Variants in ZDHHC21 observed in about 807,000 individuals in gnomAD.
ZDHHC21 encodes zDHHC palmitoyltransferase 21.
Under a neutral mutation model 34.6 loss-of-function variants are expected in ZDHHC21, and 15 were observed. The observed-to-expected ratio is 0.43, with a 90% CI of 0.29 to 0.67. The LOEUF (loss-of-function observed/expected upper bound fraction) is 0.67. ZDHHC21 is among the 30% of genes least tolerant of loss of function. The pLI is 0.14. For missense variants in ZDHHC21, 344 were observed against 327.7 expected (o/e 1.05, Z -0.38); for synonymous variants, 142 against 101.8 (o/e 1.40, Z -2.38).
Position 14,666,361 on chromosome 9 carries a change from G to A in ZDHHC21, c.254-4035C>T, listed in dbSNP as rs933018456. ...CAGATTCATAAATCAAGTCCTGAGT[G>A]ACCTACAAAGAGACTTAGACTCCCA... On this transcript the variant is annotated intron_variant, in intron 5 of 9. Coordinates refer to ENST00000380916, the MANE Select transcript of ZDHHC21 (RefSeq NM_178566.6). 3.5e-4 allele frequency among the ~76,000 whole-genome samples: 46 copies of A among 131,738 alleles called. 1 individual carries two copies. The highest frequency in any genetic ancestry group is 1.2e-3 in the African/African-American group (44 of 36,770). 86.4% of individuals were successfully genotyped at this position (131,738 alleles called of 152,430 possible).
At chr9:14,662,348 C>A in intron 5 of ZDHHC21, 22 bp from the exon 6 acceptor site, 1 of 1,568,396 alleles carries the variant, frequency 6.4e-7, no homozygotes, top group Non-Finnish European at 8.7e-7. Flanking sequence ...AAATTAAAAT[C>A]CATTTAATGA....
chr9:14,589,061 T>G, the ZDHHC21 span: 2 of 152,012 alleles, frequency 1.3e-5, no homozygotes, highest in Non-Finnish European at 2.9e-5. Context: ...GCTCATAAAT[T>G]AGAGAAGAAG....
chr9:14,619,811 T>C, intron 8 of ZDHHC21, 129 bp from the exon 9 acceptor site: 3 of 450,826 alleles, frequency 6.7e-6, no homozygotes, highest in Non-Finnish European at 1.0e-5. Context: ...TATATGAGTA[T>C]TATGAATTTT....
At position 14,674,293 on chromosome 9, in the gene ZDHHC21, G is replaced by T; in HGVS notation, c.48C>A (p.Cys16Ter). 6.3e-7 allele frequency: 1 copy of T among 1,597,906 alleles called. No homozygotes were observed. The highest frequency in any genetic ancestry group is 1.1e-5 in the South Asian group (1 of 87,362). ...HFVVDPHGWC[C>*]MGLIVFVWLY... Reference sequence around the variant, plus strand: ...ACCAAACAAAGACAATCAAACCCATGCAGCACCAACCATGTGGGTCAACAA... The same window carrying T: ...ACCAAACAAAGACAATCAAACCCATTCAGCACCAACCATGTGGGTCAACAA... Residue 16 changes from cysteine to a stop codon, truncating the protein, a stop_gained, in exon 4 of 10, where the codon TGC becomes TGA. Coordinates refer to ENST00000380916, the MANE Select transcript of ZDHHC21 (RefSeq NM_178566.6). LOFTEE classifies it high-confidence loss of function.
intron 8 of ZDHHC21, among the ~76,000 whole-genome samples, chr9:14,627,348 G>C (rs1450682032): frequency 1.3e-5 from 2 of 152,030 alleles, no homozygotes; most frequent in African/African-American, 2.4e-5. Flanking sequence ...ACATTAACTT[G>C]CTGAGTTAAA....
intron 8 of ZDHHC21, among the ~76,000 whole-genome samples, chr9:14,624,260 G>T (rs933676420): frequency 1.3e-5 from 2 of 152,032 alleles, no homozygotes; most frequent in Non-Finnish European, 2.9e-5. Flanking sequence ...TTTACATAAG[G>T]AACAGGAGCC....
chr9:14,678,311 T>C (rs912913587), intron 3 of ZDHHC21, among the ~76,000 whole-genome samples: 5 of 151,940 alleles, frequency 3.3e-5, no homozygotes, highest in Non-Finnish European at 7.4e-5. Flanking sequence ...TTAACACATC[T>C]GAAGCCCAAA....
intron 1 of ZDHHC21, among the ~76,000 whole-genome samples, chr9:14,692,320 C>A (rs914621132): frequency 4.6e-5 from 7 of 152,130 alleles, no homozygotes; most frequent in African/African-American, 1.4e-4. Context: ...TTTAAAAGTG[C>A]ATATATTAGC....
chr9:14,605,242 A>T, the ZDHHC21 span, among the ~76,000 whole-genome samples: 1 of 151,264 alleles, frequency 6.6e-6, no homozygotes, highest in South Asian at 2.1e-4. Context: ...GGGAATCCTG[A>T]ATCATATAGC....
intron 8 of ZDHHC21, among the ~76,000 whole-genome samples, chr9:14,625,050 T>G (rs919040171): frequency 6.6e-6 from 1 of 152,092 alleles, no homozygotes; most frequent in Non-Finnish European, 1.5e-5. Flanking sequence ...GACTTTCATT[T>G]CACTTCTTAG....
At chr9:14,609,833 G>A (rs550364957), downstream of ZDHHC21, among the ~76,000 whole-genome samples, 1 of 152,060 alleles carries the variant, frequency 6.6e-6, no homozygotes, top group Non-Finnish European at 1.5e-5. Context: ...TAGTACCAGA[G>A]GAAAATATCC....
At chr9:14,640,323 AAAG>A in intron 7 of ZDHHC21, among the ~76,000 whole-genome samples, 10 of 150,468 alleles carry the variant, frequency 6.6e-5, no homozygotes, top group South Asian at 2.1e-4. Flanking sequence ...AAAAAAAAAA[AAAG>A]AAAGAAAGAA....
In ZDHHC21 at chr9:14,635,810, G is replaced by A. The variant is rs551118253; in HGVS notation, c.621+4086C>T. Among the ~76,000 whole-genome samples, 128 of 152,148 alleles carry A rather than the reference G, an allele frequency of 8.4e-4. 1 individual carries two copies. The highest frequency in any genetic ancestry group is 1.4e-3 in the Non-Finnish European group (96 of 67,992). On this transcript the variant is annotated intron_variant, in intron 8 of 9. Coordinates refer to ENST00000380916, the MANE Select transcript of ZDHHC21 (RefSeq NM_178566.6). ...TGGGAGGTGGAGGTTGCAGTGAGCCGAGATCGCAATGCTGCACTCTAGCCT... is the reference window on the plus strand; with the variant it reads ...TGGGAGGTGGAGGTTGCAGTGAGCCAAGATCGCAATGCTGCACTCTAGCCT...
chr9:14,644,277 T>C (rs989181278), intron 7 of ZDHHC21, among the ~76,000 whole-genome samples: 4 of 152,198 alleles, frequency 2.6e-5, no homozygotes, highest in African/African-American at 7.2e-5. Context: ...AAAGAATCTA[T>C]AGATAAATCA....
intron 7 of ZDHHC21, among the ~76,000 whole-genome samples, chr9:14,642,277 A>G (rs1237145351): frequency 6.6e-6 from 1 of 152,212 alleles, no homozygotes; most frequent in East Asian, 1.9e-4. Flanking sequence ...CATCAGCACT[A>G]AATCCATATT....
intron 3 of ZDHHC21, among the ~76,000 whole-genome samples, chr9:14,676,663 CAA>C (rs1836438496): frequency 6.6e-6 from 1 of 151,840 alleles, no homozygotes; most frequent in Admixed American, 6.6e-5. Flanking sequence ...ATTTAAAAAT[CAA>C]AAGACAGATT....
In ZDHHC21 at chr9:14,613,310, G is replaced by C. The variant is rs748855938; in HGVS notation, c.*5656C>G. On this transcript the variant is annotated 3_prime_UTR_variant, in exon 10 of 10. Coordinates refer to ENST00000380916, the MANE Select transcript of ZDHHC21 (RefSeq NM_178566.6). ...AACCAAAAAGAAAATTAACTCTTTG[G>C]TACAGGAATTAAAAATGTCACTCAA... is the stretch of plus-strand genomic sequence containing the variant. 1 of 151,756 alleles carries C rather than the reference G, an allele frequency of 6.6e-6. No individual in the cohort carries two copies. The highest frequency in any genetic ancestry group is 2.4e-5 in the African/African-American group (1 of 41,384). 9.4% of individuals were successfully genotyped at this position (151,756 alleles called of 1,614,324 possible).
At position 14,619,625 on chromosome 9, in the gene ZDHHC21, A is replaced by G; in HGVS notation, c.665+14T>C. On this transcript the variant is annotated intron_variant, in intron 9 of 9. Transcript: ENST00000380916. ...AATTTTAAATAATACTATACACTTC[A>G]GTTTTATACTTACATATCTTCACAA... The G allele has an allele frequency of 7.1e-7, 1 of 1,408,014 alleles. No individual in the cohort carries two copies. Among genetic ancestry groups the G allele is most frequent in the Non-Finnish European group, 9.8e-7 (1 of 1,022,532 alleles). The allele number at this position is 1,408,014 out of a possible 1,614,324, so 87.2% of individuals were successfully genotyped here. A position where few individuals can be genotyped will look rare whatever the true frequency, so the allele number is the denominator to read the frequency against.
At chr9:14,606,852 C>A (rs1029447919), downstream of ZDHHC21, among the ~76,000 whole-genome samples, 20 of 151,736 alleles carry the variant, frequency 1.3e-4, no homozygotes, top group East Asian at 1.9e-4. Flanking sequence ...AGAAAAAAAA[C>A]CAGACGTTCA....
Sources: gnomAD v4.1 joint callset for allele counts (sites outside exome capture counted in the v4.1 genomes callset) on GRCh38, gnomAD v4.1.1 for gene constraint, MANE v1.5 for transcripts, NCBI Gene and HGNC (gene_info 2026-07-23, HGNC 2026-07-21) for gene names.